TENM2: variants seen among roughly 807,000 people sequenced by gnomAD.
TENM2 encodes the protein teneurin transmembrane protein 2.
Under a neutral mutation model 245.2 loss-of-function variants are expected in TENM2, and 52 were observed. The observed-to-expected ratio is 0.21, with a 90% CI of 0.17 to 0.27. The LOEUF is 0.27. Ranked by LOEUF, TENM2 falls within the 10% of genes least tolerant of loss-of-function variation. TENM2 has a pLI of 1.00. For missense variants in TENM2, 3,046 were observed against 3,666.8 expected (o/e 0.83, Z 4.37); for synonymous variants, 1,363 against 1,438.9 (o/e 0.95, Z 1.19).
chr5:167,740,777 C>A (rs1005893029), intron 2 of TENM2, among the ~76,000 whole-genome samples: 12 of 152,126 alleles, frequency 7.9e-5, no homozygotes, highest in Non-Finnish European at 1.6e-4. Context: ...CAGGACAATC[C>A]TTCCTCTTAC....
intron 2 of TENM2, among the ~76,000 whole-genome samples, chr5:167,766,103 A>C (rs2150737505): frequency 6.6e-6 from 1 of 152,326 alleles, no homozygotes; most frequent in Admixed American, 6.5e-5. Context: ...TTATGTGGAC[A>C]AATTGCAGGA....
chr5:168,207,247 G>A (rs1485483040), intron 19 of TENM2, among the ~76,000 whole-genome samples: 1 of 152,154 alleles, frequency 6.6e-6, no homozygotes, highest in Non-Finnish European at 1.5e-5. Flanking sequence ...CCCACACTAG[G>A]TGCTCAAGAT....
At chr5:168,215,301 C>G in intron 21 of TENM2, 29 bp downstream of exon 23, 2 of 1,586,234 alleles carry the variant, frequency 1.3e-6, no homozygotes, top group Non-Finnish European at 1.7e-6. Flanking sequence ...GAGTCTCCCG[C>G]CCCAGATAAA....
intron 4 of TENM2, among the ~76,000 whole-genome samples, chr5:167,970,088 C>G (rs1644439729): frequency 6.6e-6 from 1 of 152,242 alleles, no homozygotes; most frequent in African/African-American, 2.4e-5. Flanking sequence ...CTCCTCCAGG[C>G]AGACACAGTC....
chr5:168,134,778 T>C (rs1754900596), intron 12 of TENM2, among the ~76,000 whole-genome samples: 1 of 152,210 alleles, frequency 6.6e-6, no homozygotes, highest in African/African-American at 2.4e-5. Context: ...GTTAGTAGCA[T>C]GTCAAAATCA....
intron 4 of TENM2, among the ~76,000 whole-genome samples, chr5:167,986,833 CAGG>C (rs1264430345): frequency 3.3e-5 from 5 of 152,162 alleles, no homozygotes; most frequent in African/African-American, 7.2e-5. Context: ...AGGGAAAAAT[CAGG>C]AGAAGTCCCC....
chr5:167,647,302 A>G (rs1179378206), intron 2 of TENM2, among the ~76,000 whole-genome samples: 1 of 152,038 alleles, frequency 6.6e-6, no homozygotes, highest in Non-Finnish European at 1.5e-5. Context: ...GAGAACGATG[A>G]CTCCACTGAC....
the TENM2 span, among the ~76,000 whole-genome samples, chr5:167,037,926 G>C: frequency 6.6e-6 from 1 of 152,206 alleles, no homozygotes; most frequent in Non-Finnish European, 1.5e-5. Context: ...CTAGGGGTAG[G>C]AGAAAGGAGA....
At chr5:167,850,010 C>T (rs1018130351) in intron 2 of TENM2, among the ~76,000 whole-genome samples, 1 of 152,156 alleles carries the variant, frequency 6.6e-6, no homozygotes, top group Admixed American at 6.5e-5. Context: ...GTGATCAACT[C>T]AACCTTCAAC....
chr5:167,237,597 G>A, the TENM2 span, among the ~76,000 whole-genome samples: 1 of 152,174 alleles, frequency 6.6e-6, no homozygotes, highest in Non-Finnish European at 1.5e-5. Flanking sequence ...CCTACTTGTT[G>A]TCTGATAATC....
At chr5:168,217,479 A>G (rs1260389717) in intron 22 of TENM2, among the ~76,000 whole-genome samples, 2 of 152,254 alleles carry the variant, frequency 1.3e-5, no homozygotes, top group Non-Finnish European at 1.5e-5. Context: ...CAGCCTTTCT[A>G]TAACGGCCTT....
intron 2 of TENM2, among the ~76,000 whole-genome samples, chr5:167,578,177 C>T (rs150283061): frequency 6.6e-6 from 1 of 152,272 alleles, no homozygotes; most frequent in African/African-American, 2.4e-5. Flanking sequence ...TGGGGTCCCA[C>T]CATACAACAC....
intron 2 of TENM2, among the ~76,000 whole-genome samples, chr5:167,540,584 C>A (rs1772141191): frequency 6.6e-6 from 1 of 152,086 alleles, no homozygotes; most frequent in African/African-American, 2.4e-5. Flanking sequence ...CGACAGAGAC[C>A]ATATGGACCA....
At chr5:167,894,153 C>T (rs1319805019) in intron 3 of TENM2, among the ~76,000 whole-genome samples, 2 of 152,170 alleles carry the variant, frequency 1.3e-5, no homozygotes, top group East Asian at 3.9e-4. Context: ...CCAGTAAGCA[C>T]CATTCCTGGC....
At chr5:167,963,222 A>G (rs986142161) in intron 4 of TENM2, among the ~76,000 whole-genome samples, 12 of 152,210 alleles carry the variant, frequency 7.9e-5, no homozygotes, top group African/African-American at 1.2e-4. Context: ...TTACATAAGT[A>G]AAGTCAGATA....
intron 5 of TENM2, among the ~76,000 whole-genome samples, chr5:168,000,726 C>T (rs56379512): frequency 0.15 from 22,175 of 152,088 alleles, 1,758 homozygotes; most frequent in East Asian, 0.26. Flanking sequence ...GGCACAGGCA[C>T]GATAGATTGA....
intron 1 of TENM2, among the ~76,000 whole-genome samples, chr5:167,332,009 A>G (rs1757489345): frequency 1.3e-5 from 2 of 152,202 alleles, no homozygotes; most frequent in Non-Finnish European, 2.9e-5. Flanking sequence ...TTATCGACCA[A>G]CGTATTCCAA....
intron 1 of TENM2, among the ~76,000 whole-genome samples, chr5:167,313,367 G>A (rs1756153789): frequency 6.6e-6 from 1 of 152,156 alleles, no homozygotes; most frequent in African/African-American, 2.4e-5. Flanking sequence ...TGGGCCAGGA[G>A]CGGTGGCTCA....
Position 167,952,386 on chromosome 5 carries a change from T to G in TENM2, c.713-202T>G. 6.7e-6 allele frequency: 4 copies of G among 597,588 alleles called. No individual in the cohort carries two copies. The South Asian group carries it at 8.3e-5, about 12-fold the overall frequency. 37.0% of individuals were successfully genotyped at this position (597,588 alleles called of 1,614,324 possible). ...CTCATTATTCTTCATTTGATGCGTG[T>G]GGATAAATGCAAATCAAAGCCCATT... On this transcript the variant is annotated intron_variant, in intron 3 of 28. Transcript: ENST00000518659.
Sources: gnomAD v4.1 joint callset for allele counts (sites outside exome capture counted in the v4.1 genomes callset) on GRCh38, gnomAD v4.1.1 for gene constraint, MANE v1.5 for transcripts, NCBI Gene and HGNC (gene_info 2026-07-23, HGNC 2026-07-21) for gene names.